CYP24A1: variants seen among roughly 807,000 people sequenced by gnomAD.
The protein encoded by CYP24A1 is cytochrome P450 family 24 subfamily A member 1, also known as 1,25-dihydroxyvitamin D(3) 24-hydroxylase, mitochondrial.
CYP24A1 carries 68 observed loss-of-function variants against 62.4 expected under a neutral mutation model. The ratio of observed to expected loss-of-function variants is 1.09; its 90% CI spans 0.90 to 1.33. The LOEUF (loss-of-function observed/expected upper bound fraction) is 1.33, where lower values mean the gene tolerates loss of function less well. CYP24A1 is among the 40% of genes most tolerant of loss of function. The pLI is 0.00. For missense variants in CYP24A1, 787 were observed against 653.0 expected, an observed-to-expected ratio of 1.21 and a Z score of -2.24; for synonymous variants, 267 against 253.0, an observed-to-expected ratio of 1.06 and a Z score of -0.52.
intron 7 of CYP24A1, among the ~76,000 whole-genome samples, chr20:54,160,550 T>G (rs1305976967): frequency 6.6e-6 from 1 of 152,252 alleles, no homozygotes; most frequent in Non-Finnish European, 1.5e-5. Flanking sequence ...TCCAAGGCAG[T>G]CTTCTTCATG....
At chr20:54,172,467 A>G (rs562296932) in intron 2 of CYP24A1, among the ~76,000 whole-genome samples, 158 of 152,312 alleles carry the variant, frequency 1.0e-3, no homozygotes, top group Non-Finnish European at 2.9e-4. Flanking sequence ...AATCCTCTGC[A>G]GAAAATGTCA....
intron 8 of CYP24A1, 93 bp downstream of exon 8, chr20:54,158,864 G>C: frequency 6.2e-7 from 1 of 1,601,714 alleles, no homozygotes; most frequent in Non-Finnish European, 8.5e-7. Context: ...TAATTAGCTA[G>C]GGGAAGCCGC....
intron 11 of CYP24A1, among the ~76,000 whole-genome samples, chr20:54,156,791 T>C (rs1223019607): frequency 6.6e-6 from 1 of 152,212 alleles, no homozygotes; most frequent in Non-Finnish European, 1.5e-5. Context: ...ATTAAGAGGA[T>C]GTGACAAAGA....
At chr20:54,146,889 A>C in the CYP24A1 span, among the ~76,000 whole-genome samples, 2 of 152,238 alleles carry the variant, frequency 1.3e-5, no homozygotes, top group Admixed American at 1.3e-4. Context: ...AGGACAAAAC[A>C]ATCATGGAGA....
intron 8 of CYP24A1, 119 bp from the exon 9 acceptor site, chr20:54,158,283 C>A: frequency 6.5e-7 from 1 of 1,538,264 alleles, no homozygotes; most frequent in Non-Finnish European, 8.8e-7. Context: ...AAAGAGGCAG[C>A]ATGATCACAG....
At position 54,171,543 on chromosome 20, in the gene CYP24A1, C is replaced by T. The variant is rs758541186; in HGVS notation, c.543+34G>A. ...CTCCACCAATATCCCTATGTCCCCA[C>T]GAGCCCCAGGAAAGCTGGCCCCAGC... On this transcript the variant is annotated intron_variant, in intron 3 of 11. Coordinates refer to ENST00000216862, the MANE Select transcript of CYP24A1 (RefSeq NM_000782.5). The T allele has an allele frequency of 4.6e-5, 74 of 1,613,698 alleles. No individual in the cohort carries two copies. In the South Asian group the frequency reaches 6.8e-4, roughly 15 times the overall value.
the CYP24A1 span, among the ~76,000 whole-genome samples, chr20:54,144,106 T>C: frequency 6.6e-6 from 1 of 152,212 alleles, no homozygotes; most frequent in African/African-American, 2.4e-5. Context: ...AGCTGGGTAG[T>C]CACATGGCGG....
Position 54,157,389 on chromosome 20 carries a change from C to T in CYP24A1, c.1433G>A (p.Trp478Ter). The T allele has an allele frequency of 1.3e-6, 2 of 1,581,018 alleles. No homozygotes were observed. The highest frequency in any genetic ancestry group is 2.2e-5 in the East Asian group (1 of 44,764). The change falls in exon 10 of 12, where the codon TGG becomes TAG. Residue 478 changes from tryptophan to a stop codon, truncating the protein, a stop_gained and splice_region_variant. Transcript: ENST00000216862. LOFTEE classifies it high-confidence loss of function. ...TGCAGAAACCGGTAAAGGTTTTACCCAACAAAGAGCCAAATGCAGTTGAAG... is the reference window on the plus strand; with the variant it reads ...TGCAGAAACCGGTAAAGGTTTTACCTAACAAAGAGCCAAATGCAGTTGAAG... Reference protein sequence around the residue: ...AELQLHLALCWIVRKYDIQAT... With the variant: ...AELQLHLALC
chr20:54,164,700 C>T lies in CYP24A1; in HGVS notation c.733-137G>A, dbSNP rs1007143801. 1.1e-5 allele frequency: 17 copies of T among 1,518,422 alleles called. 1 individual carries two copies. Among genetic ancestry groups the T allele is most frequent in the Middle Eastern group, 1.9e-4 (1 of 5,224 alleles). 94.1% of individuals were successfully genotyped at this position (1,518,422 alleles called of 1,614,324 possible). A position where few individuals can be genotyped will look rare whatever the true frequency, so the allele number is the denominator to read the frequency against. On this transcript the variant is annotated intron_variant, in intron 5 of 11. Transcript: ENST00000216862. Reference sequence around the variant, plus strand: ...TGGAATTACAAGGACACCCCCGGCTCTCTCTGCACCGGTCCTGGGAGCAAT... The same window carrying T: ...TGGAATTACAAGGACACCCCCGGCTTTCTCTGCACCGGTCCTGGGAGCAAT...
At chr20:54,165,396 G>C (rs911711850) in intron 5 of CYP24A1, among the ~76,000 whole-genome samples, 2 of 152,198 alleles carry the variant, frequency 1.3e-5, no homozygotes, top group African/African-American at 2.4e-5. Flanking sequence ...CAAGCTCAGG[G>C]CTCCCACTGA....
intron 4 of CYP24A1, among the ~76,000 whole-genome samples, chr20:54,167,939 G>A (rs2181874): frequency 0.3 from 46,069 of 151,998 alleles, 7,406 homozygotes; most frequent in South Asian, 0.41. Flanking sequence ...ATACATTCCC[G>A]CAGCTCCCGG....
At chr20:54,172,346 C>T (rs1197062023) in intron 2 of CYP24A1, among the ~76,000 whole-genome samples, 1 of 152,126 alleles carries the variant, frequency 6.6e-6, no homozygotes, top group East Asian at 1.9e-4. Flanking sequence ...TAAATGCTAA[C>T]AACTAAAAAG....
In CYP24A1 at chr20:54,162,779, G is replaced by T. The variant is rs758491296; in HGVS notation, c.928C>A (p.Arg310=). The T allele has an allele frequency of 1.3e-5, 20 of 1,572,156 alleles. No homozygotes were observed. Among genetic ancestry groups the T allele is most frequent in the Middle Eastern group, 1.7e-4 (1 of 6,016 alleles). The change falls in exon 7 of 12, where the codon CGG becomes AGG. Residue 310 remains arginine (R), a synonymous_variant. Transcript: ENST00000216862. ...GCATACAATTCTTTCTTTGAAAGCC[G>T]ATTCTGGTGATAAATGTCACAAAGG... ...DFLCDIYHQN[R]LSKKELYAAV...
rs1347161876 is a variant in CYP24A1, at chr20:54,171,980, G to A, written c.450-310C>T. On this transcript the variant is annotated intron_variant, in intron 2 of 11. Coordinates refer to ENST00000216862, the MANE Select transcript of CYP24A1 (RefSeq NM_000782.5). ...TGCAGGGAGTGGGGCTGGGAGGCCT[G>A]GGGACAATTCCTAGCGGTAAAAGGG... 8 of 445,504 alleles carry A rather than the reference G, an allele frequency of 1.8e-5. No homozygotes were observed. In the East Asian group the frequency reaches 4.5e-4, roughly 25 times the overall value. The allele number at this position is 445,504 out of a possible 1,614,324, so 27.6% of individuals were successfully genotyped here.
chr20:54,169,485 C>T lies in CYP24A1; in HGVS notation c.640+107G>A, dbSNP rs2146501528. On this transcript the variant is annotated intron_variant, in intron 4 of 11. Coordinates refer to ENST00000216862, the MANE Select transcript of CYP24A1 (RefSeq NM_000782.5). ...CATTAAAAGGGCTGCTCTGGCCTTT[C>T]CCTAGGCAGCAATAATGCCTGTTTA... is the stretch of plus-strand genomic sequence containing the variant. 4.4e-6 allele frequency: 7 copies of T among 1,579,178 alleles called. No individual in the cohort carries two copies. The South Asian group carries it at 6.9e-5, about 15-fold the overall frequency.
downstream of CYP24A1, among the ~76,000 whole-genome samples, chr20:54,150,087 G>C (rs750116968): frequency 2.8e-4 from 43 of 152,124 alleles, no homozygotes; most frequent in Admixed American, 1.1e-3. Context: ...TAAGGTCATC[G>C]CTAAGGTCTG....
chr20:54,170,109 G>C (rs776411533), intron 3 of CYP24A1, among the ~76,000 whole-genome samples: 1 of 152,222 alleles, frequency 6.6e-6, no homozygotes, highest in African/African-American at 2.4e-5. Context: ...GCAAGCAAAC[G>C]TCTCTTTATT....
downstream of CYP24A1, among the ~76,000 whole-genome samples, chr20:54,149,697 A>G (rs1411210073): frequency 1.3e-5 from 2 of 152,176 alleles, no homozygotes; most frequent in African/African-American, 2.4e-5. Context: ...TTATATGCAC[A>G]CTTAACCCAG....
rs773353239 is a variant in CYP24A1 at position 54,162,711 on chromosome 20, C to G, written c.990+6G>C. On this transcript the variant is annotated splice_donor_region_variant and intron_variant, in intron 7 of 11. Coordinates refer to ENST00000216862, the MANE Select transcript of CYP24A1 (RefSeq NM_000782.5). ...TTTAGCAAACTCAAATCCAGCCCAC[C>G]CTTACCGTTTCCACCGCAGCCAGCT... The G allele has an allele frequency of 3.2e-6, 5 of 1,585,622 alleles. No homozygotes were observed. Among genetic ancestry groups the G allele is most frequent in the Non-Finnish European group, 4.3e-6 (5 of 1,154,410 alleles).
Sources: allele counts gnomAD v4.1 joint callset (sites outside exome capture counted in the v4.1 genomes callset), GRCh38; gene constraint gnomAD v4.1.1; transcripts MANE v1.5; gene names NCBI Gene and HGNC (gene_info 2026-07-23, HGNC 2026-07-21).